KDM7A: variants seen among roughly 807,000 people sequenced by gnomAD.
The protein encoded by KDM7A is lysine demethylase 7A.
In KDM7A, 28 loss-of-function variants were observed where a neutral mutation model predicts 114.8. The observed-to-expected ratio is 0.24, with a 90% CI of 0.18 to 0.33. The LOEUF (loss-of-function observed/expected upper bound fraction) is 0.33, where lower values mean the gene tolerates loss of function less well. KDM7A is among the 10% of genes least tolerant of loss of function. The pLI is 1.00. For synonymous variants in KDM7A, 423 were observed against 397.8 expected (o/e 1.06, Z -0.75); for missense variants, 942 against 1,142.5 (o/e 0.82, Z 2.53).
intron 9 of KDM7A, among the ~76,000 whole-genome samples, chr7:140,117,629 C>T (rs1818553559): frequency 6.6e-6 from 1 of 152,106 alleles, no homozygotes; most frequent in South Asian, 2.1e-4. Flanking sequence ...GGATTTATTT[C>T]CACAAAACAA....
At chr7:140,126,020 T>C (rs1356511704) in intron 6 of KDM7A, among the ~76,000 whole-genome samples, 1 of 152,210 alleles carries the variant, frequency 6.6e-6, no homozygotes, top group Non-Finnish European at 1.5e-5. Flanking sequence ...TCCTCCTGCC[T>C]GAGCCTCTTG....
intron 1 of KDM7A, among the ~76,000 whole-genome samples, chr7:140,141,607 A>G (rs1794278565): frequency 1.3e-5 from 2 of 152,120 alleles, no homozygotes; most frequent in Non-Finnish European, 2.9e-5. Context: ...TAAAAAAGAT[A>G]TATTGGCCTA....
At chr7:140,145,203 T>C (rs575714869) in intron 1 of KDM7A, among the ~76,000 whole-genome samples, 3 of 152,316 alleles carry the variant, frequency 2.0e-5, no homozygotes, top group East Asian at 3.9e-4. Context: ...GAGCAGGAAA[T>C]TGGATTCATC....
At chr7:140,111,893 C>T (rs372804704) in intron 10 of KDM7A, among the ~76,000 whole-genome samples, 3 of 150,192 alleles carry the variant, frequency 2.0e-5, no homozygotes, top group Non-Finnish European at 2.9e-5. Context: ...TGCAGTGAGC[C>T]GAGATTGTGC....
rs1357206592 is a variant in KDM7A, at chr7:140,089,793, GA to G, written c.*1300del. On this transcript the variant is annotated 3_prime_UTR_variant, in exon 20 of 20. Coordinates refer to ENST00000397560, the MANE Select transcript of KDM7A (RefSeq NM_030647.2). ...TGTACTGGTCAGGTTAGGATAGATG[GA>G]AGAAACTGCCAAAAGCACCCATTTT... 4 of 152,220 alleles carry G rather than the reference GA, an allele frequency of 2.6e-5. No homozygotes were observed. The highest frequency in any genetic ancestry group is 9.6e-5 in the African/African-American group (4 of 41,524). The allele number at this position is 152,220 out of a possible 1,614,324, so 9.4% of individuals were successfully genotyped here.
At chr7:140,114,584 C>T (rs949180709) in intron 9 of KDM7A, among the ~76,000 whole-genome samples, 4 of 152,140 alleles carry the variant, frequency 2.6e-5, no homozygotes, top group African/African-American at 4.8e-5. Flanking sequence ...TCTGCCCAGC[C>T]GCCACCCCGT....
At chr7:140,138,707 G>C (rs1004289578) in intron 2 of KDM7A, among the ~76,000 whole-genome samples, 9 of 152,108 alleles carry the variant, frequency 5.9e-5, no homozygotes, top group Non-Finnish European at 2.9e-5. Context: ...TAAAATATAA[G>C]GCATATGAGT....
intron 1 of KDM7A, among the ~76,000 whole-genome samples, chr7:140,156,763 C>G (rs1239212044): frequency 6.6e-6 from 1 of 152,142 alleles, no homozygotes; most frequent in Admixed American, 6.5e-5. Context: ...GCCCTCAGAC[C>G]AAGTATCAGG....
chr7:140,176,791 G>A lies in KDM7A; in HGVS notation c.147C>T (p.Asn49=), dbSNP rs765143374. Residue 49 remains asparagine, a synonymous_variant, in exon 1 of 20, where the codon AAC becomes AAT. Transcript: ENST00000397560. This position sits in a 1 kb window ranked among gnomAD's most constrained non-coding sequence, Gnocchi z 4.4. ...YCVCRQPYDV[N]RFMIECDICK... ...AGATATCGCACTCGATCATGAAGCG[G>A]TTCACGTCGTACGGCTGCCGGCACA... 1 of 1,423,018 alleles carries A rather than the reference G, an allele frequency of 7.0e-7. No individual in the cohort carries two copies. Among genetic ancestry groups the A allele is most frequent in the East Asian group, 3.4e-5 (1 of 29,658 alleles). The allele number at this position is 1,423,018 out of a possible 1,614,324, so 88.1% of individuals were successfully genotyped here. A position where few individuals can be genotyped will look rare whatever the true frequency, so the allele number is the denominator to read the frequency against.
Position 140,088,247 on chromosome 7 carries a change from C to T in KDM7A, c.*2847G>A, listed in dbSNP as rs1300531394. The T allele has an allele frequency of 2.9e-6, 1 of 344,328 alleles. No homozygotes were observed. Among genetic ancestry groups the T allele is most frequent in the Non-Finnish European group, 5.2e-6 (1 of 192,168 alleles). The allele number at this position is 344,328 out of a possible 1,614,324, so 21.3% of individuals were successfully genotyped here. On this transcript the variant is annotated 3_prime_UTR_variant, in exon 20 of 20. Transcript: ENST00000397560. ...ATACTGAACTACTACAAACTGCCAA[C>T]TTTATATTGTTTACATCACTCATCA...
intron 12 of KDM7A, among the ~76,000 whole-genome samples, chr7:140,100,671 TATATATATAC>T (rs1401375047): frequency 2.4e-3 from 96 of 40,248 alleles, no homozygotes; most frequent in East Asian, 5.4e-3. Context: ...TATATATATA[TATATATATAC>T]ATATATACAT....
intron 6 of KDM7A, among the ~76,000 whole-genome samples, chr7:140,125,269 A>G (rs78294790): frequency 0.01 from 1,595 of 152,336 alleles, 23 homozygotes; most frequent in African/African-American, 0.037. Flanking sequence ...TATAGCCCAG[A>G]ACATTGCTGA....
chr7:140,142,889 T>C (rs926501779), intron 1 of KDM7A, among the ~76,000 whole-genome samples: 2 of 138,230 alleles, frequency 1.4e-5, no homozygotes, highest in East Asian at 2.0e-4. Flanking sequence ...GAAATCTATA[T>C]GGTAATGCAA....
intron 11 of KDM7A, among the ~76,000 whole-genome samples, chr7:140,105,647 C>T (rs962421714): frequency 4.6e-5 from 7 of 152,154 alleles, no homozygotes; most frequent in Non-Finnish European, 7.4e-5. Context: ...CTGACTTGAT[C>T]GTGGTGGATA....
At chr7:140,142,071 TTA>T (rs1453156738) in intron 1 of KDM7A, among the ~76,000 whole-genome samples, 1 of 147,842 alleles carries the variant, frequency 6.8e-6, no homozygotes, top group Non-Finnish European at 1.5e-5. Flanking sequence ...TAAAAGATAT[TTA>T]TATATCTTTT....
chr7:140,170,567 A>C (rs1794627648), intron 1 of KDM7A, among the ~76,000 whole-genome samples: 1 of 152,218 alleles, frequency 6.6e-6, no homozygotes, highest in South Asian at 2.1e-4. Context: ...TGAACTCCCT[A>C]ACTCTCAGAT....
At chr7:140,095,698 G>A in intron 17 of KDM7A, 1 of 246,380 alleles carries the variant, frequency 4.1e-6, no homozygotes, top group South Asian at 3.5e-5. Context: ...GGCAACATAG[G>A]TGAGACCTCG....
At chr7:140,103,458 C>T (rs1036274781) in intron 11 of KDM7A, among the ~76,000 whole-genome samples, 2 of 68,494 alleles carry the variant, frequency 2.9e-5, no homozygotes, top group Admixed American at 2.7e-4. Flanking sequence ...GTTATCCCTC[C>T]CCCCCCCTCC....
intron 1 of KDM7A, among the ~76,000 whole-genome samples, chr7:140,172,879 T>A (rs1794661972): frequency 6.6e-6 from 1 of 152,110 alleles, no homozygotes; most frequent in South Asian, 2.1e-4. Flanking sequence ...ACATTATTAA[T>A]AAAATAGTGG....
Sources: allele counts gnomAD v4.1 joint callset (sites outside exome capture counted in the v4.1 genomes callset), GRCh38; gene constraint gnomAD v4.1.1; non-coding constraint Gnocchi (gnomAD v3.1); transcripts MANE v1.5; gene names NCBI Gene and HGNC (gene_info 2026-07-23, HGNC 2026-07-21).